CAMK2D: variants seen among roughly 807,000 people sequenced by gnomAD.
The protein encoded by CAMK2D is calcium/calmodulin-dependent protein kinase type II subunit delta.
A neutral mutation model predicts 84.0 loss-of-function variants in CAMK2D; 37 were observed. The observed-to-expected ratio is 0.44, with a 90% CI of 0.34 to 0.58. The LOEUF is 0.58. CAMK2D is among the 20% of genes least tolerant of loss of function. The probability of loss-of-function intolerance (pLI) is 0.02; values close to 1 mark genes in which losing one functional copy is unlikely to be tolerated. For missense variants in CAMK2D, 448 were observed against 652.5 expected (o/e 0.69, Z 3.41); for synonymous variants, 202 against 212.5 (o/e 0.95, Z 0.43).
At chr4:113,700,665 G>A (rs749197281) in intron 2 of CAMK2D, among the ~76,000 whole-genome samples, 3 of 121,268 alleles carry the variant, frequency 2.5e-5, no homozygotes, top group Non-Finnish European at 5.1e-5. Context: ...TCTCTAGGGT[G>A]ACCACACAGT....
At chr4:113,581,436 C>A (rs2098808124) in intron 4 of CAMK2D, among the ~76,000 whole-genome samples, 1 of 150,576 alleles carries the variant, frequency 6.6e-6, no homozygotes, top group African/African-American at 2.5e-5. Context: ...TCACTTGAAC[C>A]CGGGAGGCGG....
chr4:113,600,465 C>T (rs1187247093), intron 4 of CAMK2D, among the ~76,000 whole-genome samples: 1 of 151,804 alleles, frequency 6.6e-6, no homozygotes, highest in Non-Finnish European at 1.5e-5. Flanking sequence ...TAAAACTGAT[C>T]TAAAATATAA....
At chr4:113,704,333 T>C (rs2099433705) in intron 2 of CAMK2D, among the ~76,000 whole-genome samples, 1 of 152,168 alleles carries the variant, frequency 6.6e-6, no homozygotes, top group Non-Finnish European at 1.5e-5. Flanking sequence ...TATTTGATTG[T>C]ACTGGGATAT....
At chr4:113,701,980 T>C (rs574160939) in intron 2 of CAMK2D, among the ~76,000 whole-genome samples, 88 of 152,290 alleles carry the variant, frequency 5.8e-4, no homozygotes, top group African/African-American at 2.1e-3. Context: ...ACACTATAGA[T>C]GTGAGCCACC....
chr4:113,751,414 A>T (rs773174678), intron 2 of CAMK2D, among the ~76,000 whole-genome samples: 1 of 152,228 alleles, frequency 6.6e-6, no homozygotes, highest in South Asian at 2.1e-4. Flanking sequence ...TACTATATTT[A>T]CATTTAATAA....
intron 3 of CAMK2D, among the ~76,000 whole-genome samples, chr4:113,625,253 A>G (rs992800185): frequency 6.6e-6 from 1 of 152,330 alleles, no homozygotes; most frequent in Non-Finnish European, 1.5e-5. Flanking sequence ...GCAAAATATT[A>G]TAGGTACTAA....
intron 16 of CAMK2D, among the ~76,000 whole-genome samples, chr4:113,467,361 C>T (rs1176969310): frequency 6.6e-6 from 1 of 152,108 alleles, no homozygotes; most frequent in Non-Finnish European, 1.5e-5. Flanking sequence ...TCTGAAACTT[C>T]AGGTTACCTA....
intron 16 of CAMK2D, among the ~76,000 whole-genome samples, chr4:113,496,392 T>C (rs1448197172): frequency 6.6e-6 from 1 of 152,100 alleles, no homozygotes; most frequent in Non-Finnish European, 1.5e-5. Context: ...GATGGGCAGT[T>C]GTTACCACAG....
rs115194992 is a variant in CAMK2D, at chr4:113,501,671, C to G, written c.1087-1160G>C. The stretch of plus-strand genomic sequence containing the variant: ...GCATTTCTTAATGTGACCTAGTATT[C>G]AAATGTAAGCTGAAAATGAAGGTAA... On this transcript the variant is annotated intron_variant, in intron 15 of 20. Coordinates refer to ENST00000511664, the MANE Select transcript of CAMK2D (RefSeq NM_001321571.2). Among the ~76,000 whole-genome samples the G allele has an allele frequency of 4.0e-3, 601 of 152,086 alleles. 4 individuals carry two copies. The highest frequency in any genetic ancestry group is 0.014 in the African/African-American group (573 of 41,512).
intron 3 of CAMK2D, among the ~76,000 whole-genome samples, chr4:113,641,305 C>A (rs898134980): frequency 1.3e-5 from 2 of 152,098 alleles, no homozygotes; most frequent in African/African-American, 2.4e-5. Context: ...ACTAAGCAAC[C>A]CCAGTCAAAT....
chr4:113,567,090 A>G (rs1365200156), intron 4 of CAMK2D, among the ~76,000 whole-genome samples: 1 of 152,042 alleles, frequency 6.6e-6, no homozygotes, highest in Non-Finnish European at 1.5e-5. Context: ...AAAAAAGCAG[A>G]CTAGAGTCAA....
At chr4:113,720,711 G>GA (rs58720804) in intron 2 of CAMK2D, among the ~76,000 whole-genome samples, 1,622 of 150,964 alleles carry the variant, frequency 0.011, 42 homozygotes, top group African/African-American at 0.036. Context: ...CATAATCACA[G>GA]AAAAAAAAAT....
chr4:113,543,768 G>GTTTATTTA (rs79922057), intron 6 of CAMK2D, among the ~76,000 whole-genome samples: 4,271 of 146,694 alleles, frequency 0.029, 90 homozygotes, highest in Middle Eastern at 0.042. Flanking sequence ...TATCTATCAA[G>GTTTATTTA]TTTATTTATT....
intron 6 of CAMK2D, among the ~76,000 whole-genome samples, chr4:113,545,746 CA>C (rs2098562265): frequency 6.6e-6 from 1 of 152,082 alleles, no homozygotes; most frequent in African/African-American, 2.4e-5. Context: ...ACTAAGACAA[CA>C]ACTAAAAAAA....
intron 3 of CAMK2D, among the ~76,000 whole-genome samples, chr4:113,625,191 G>A (rs2099062406): frequency 6.6e-6 from 1 of 152,110 alleles, no homozygotes; most frequent in Non-Finnish European, 1.5e-5. Context: ...AATAGTCATT[G>A]GTGATAAATT....
At chr4:113,489,576 A>G (rs2097802144) in intron 16 of CAMK2D, among the ~76,000 whole-genome samples, 2 of 148,366 alleles carry the variant, frequency 1.3e-5, no homozygotes, top group South Asian at 4.3e-4. Flanking sequence ...AGTCTTTGCT[A>G]TTGTGAATAA....
At position 113,616,340 on chromosome 4, in the gene CAMK2D, T is replaced by C. The variant is rs534481687; in HGVS notation, c.221-7134A>G. Among the ~76,000 whole-genome samples the C allele has an allele frequency of 1.4e-4, 21 of 152,302 alleles. 1 individual carries two copies. The South Asian group carries it at 2.9e-3, about 21-fold the overall frequency. ...GTCAAAGCATATCAACTCTGGTGACTATGGTCTCCATCCTTATTCCCAAAT... is the reference window on the plus strand; with the variant it reads ...GTCAAAGCATATCAACTCTGGTGACCATGGTCTCCATCCTTATTCCCAAAT... On this transcript the variant is annotated intron_variant, in intron 3 of 20. Coordinates refer to ENST00000511664, the MANE Select transcript of CAMK2D (RefSeq NM_001321571.2).
intron 8 of CAMK2D, among the ~76,000 whole-genome samples, chr4:113,527,238 G>C (rs1203241871): frequency 6.6e-6 from 1 of 151,674 alleles, no homozygotes; most frequent in Non-Finnish European, 1.5e-5. Flanking sequence ...CTCAGATGAT[G>C]ATGATGATAT....
rs531917859 is a variant in CAMK2D, at chr4:113,554,574, T to A, written c.276-2478A>T. Among the ~76,000 whole-genome samples the A allele has an allele frequency of 6.4e-4, 98 of 152,228 alleles. 2 individuals carry two copies. In the South Asian group the frequency reaches 7.2e-3, roughly 11 times the overall value. ...TTATTTAAAAATATCTTTACACAAATGAAACCATTTTATCATTTCTTCTAT... is the reference window on the plus strand; with the variant it reads ...TTATTTAAAAATATCTTTACACAAAAGAAACCATTTTATCATTTCTTCTAT... On this transcript the variant is annotated intron_variant, in intron 4 of 20. Coordinates refer to ENST00000511664, the MANE Select transcript of CAMK2D (RefSeq NM_001321571.2).
Sources: allele counts gnomAD v4.1 joint callset (sites outside exome capture counted in the v4.1 genomes callset), GRCh38; gene constraint gnomAD v4.1.1; transcripts MANE v1.5; gene names NCBI Gene and HGNC (gene_info 2026-07-23, HGNC 2026-07-21).